MYO3A: variants seen among roughly 807,000 people sequenced by gnomAD.
MYO3A encodes myosin-IIIa.
Under a neutral mutation model 192.7 loss-of-function variants are expected in MYO3A, and 180 were observed. The observed-to-expected ratio is 0.93, with a 90% CI of 0.83 to 1.06. The LOEUF is 1.06. Ranked by LOEUF, MYO3A falls within the 50% of genes least tolerant of loss-of-function variation. MYO3A has a pLI of 0.00. For synonymous variants in MYO3A, 628 were observed against 645.3 expected (o/e 0.97, Z 0.41); for missense variants, 1,896 against 1,905.0 (o/e 1.00, Z 0.09).
chr10:26,133,749 A>T (rs1839689453), intron 20 of MYO3A, among the ~76,000 whole-genome samples: 1 of 152,220 alleles, frequency 6.6e-6, no homozygotes. Flanking sequence ...GTGTACCACC[A>T]TACCTGGCTA....
chr10:26,025,787 T>C (rs547130840), intron 9 of MYO3A, among the ~76,000 whole-genome samples: 2 of 152,248 alleles, frequency 1.3e-5, no homozygotes, highest in Non-Finnish European at 2.9e-5. Flanking sequence ...GAATATGCTC[T>C]GGTTGAACCT....
At chr10:26,009,041 T>C (rs1588764739) in intron 6 of MYO3A, among the ~76,000 whole-genome samples, 1 of 152,044 alleles carries the variant, frequency 6.6e-6, no homozygotes, top group Admixed American at 6.5e-5. Flanking sequence ...TGGAATACTA[T>C]GCAGCCATAA....
chr10:26,079,211 T>A (rs1372180304), intron 14 of MYO3A, among the ~76,000 whole-genome samples: 1 of 152,198 alleles, frequency 6.6e-6, no homozygotes, highest in Non-Finnish European at 1.5e-5. Flanking sequence ...GGTGCACATA[T>A]GTTTAGGATT....
intron 4 of MYO3A, among the ~76,000 whole-genome samples, chr10:25,976,926 C>G (rs1170086353): frequency 1.3e-5 from 2 of 151,868 alleles, no homozygotes; most frequent in African/African-American, 4.8e-5. Flanking sequence ...TATCTGTTGC[C>G]TAATTATACG....
At chr10:26,092,007 T>C (rs1199822069) in intron 15 of MYO3A, among the ~76,000 whole-genome samples, 2 of 152,140 alleles carry the variant, frequency 1.3e-5, no homozygotes, top group African/African-American at 4.8e-5. Context: ...TAGTCTCTCA[T>C]GAAAGTAGGA....
In MYO3A at chr10:26,015,823, A is replaced by G. The variant is rs555954283; in HGVS notation, c.509-997A>G. Among the ~76,000 whole-genome samples, 11 of 152,324 alleles carry G rather than the reference A, an allele frequency of 7.2e-5. No individual in the cohort carries two copies. The South Asian group carries it at 1.4e-3, about 20-fold the overall frequency. On this transcript the variant is annotated intron_variant, in intron 6 of 34. Transcript: ENST00000642920. ...CCCATTTGGTTGCATATGGCCGTTG[A>G]ATTTCATGGTAAAAGTCAAATGCCA...
At position 26,067,090 on chromosome 10, in the gene MYO3A, T is replaced by A; in HGVS notation, c.1053+16T>A. 6.7e-7 allele frequency: 1 copy of A among 1,496,828 alleles called. No individual in the cohort carries two copies. 92.7% of individuals were successfully genotyped at this position (1,496,828 alleles called of 1,614,324 possible). On this transcript the variant is annotated intron_variant, in intron 11 of 34. Transcript: ENST00000642920. The stretch of plus-strand genomic sequence containing the variant: ...TTTGGATGAGGTAAGAATTTCAGTT[T>A]AATTAAACTTAGACATTCCAGATGT...
intron 4 of MYO3A, among the ~76,000 whole-genome samples, chr10:25,974,325 C>G (rs996469781): frequency 2.6e-5 from 4 of 152,142 alleles, no homozygotes; most frequent in African/African-American, 9.7e-5. Flanking sequence ...AAAAATAATT[C>G]TATTTGCTAA....
chr10:26,116,775 G>A (rs1838530107), intron 17 of MYO3A, among the ~76,000 whole-genome samples: 1 of 152,076 alleles, frequency 6.6e-6, no homozygotes, highest in Non-Finnish European at 1.5e-5. Context: ...TTCTTGTGGG[G>A]TTTCTCCTGT....
chr10:26,165,283 C>A (rs532812653), intron 26 of MYO3A, among the ~76,000 whole-genome samples: 13 of 152,298 alleles, frequency 8.5e-5, no homozygotes, highest in African/African-American at 2.9e-4. Context: ...AAATTCAAAA[C>A]CTACCAAAAT....
chr10:25,997,329 G>A (rs1041630653), intron 6 of MYO3A, 71 bp downstream of exon 6: 60 of 1,174,436 alleles, frequency 5.1e-5, no homozygotes, highest in Non-Finnish European at 6.9e-5. Context: ...GATCTTTTTC[G>A]AATGGCCTTC....
intron 26 of MYO3A, among the ~76,000 whole-genome samples, chr10:26,159,217 C>A (rs1841343506): frequency 6.6e-6 from 1 of 150,934 alleles, no homozygotes; most frequent in South Asian, 2.1e-4. Context: ...GTCTCCATCT[C>A]CTGACCTCGT....
chr10:25,992,657 A>G (rs1280005682), intron 4 of MYO3A, among the ~76,000 whole-genome samples: 3 of 152,030 alleles, frequency 2.0e-5, no homozygotes, highest in Admixed American at 2.0e-4. Flanking sequence ...TGTCATAAAT[A>G]GCTCATTATT....
At chr10:25,997,847 C>T (rs977266493) in intron 6 of MYO3A, among the ~76,000 whole-genome samples, 4 of 152,160 alleles carry the variant, frequency 2.6e-5, no homozygotes, top group Admixed American at 2.6e-4. Context: ...ATAATTGAGG[C>T]ACTAAGTCAA....
intron 4 of MYO3A, among the ~76,000 whole-genome samples, chr10:25,985,237 C>CA (rs1157598256): frequency 0.18 from 14,302 of 79,510 alleles, 1,181 homozygotes; most frequent in East Asian, 0.32. Context: ...GACTCTGTCT[C>CA]AAAAAAAAAA....
intron 6 of MYO3A, among the ~76,000 whole-genome samples, chr10:26,015,693 T>C (rs1841948067): frequency 6.6e-6 from 1 of 152,180 alleles, no homozygotes; most frequent in Non-Finnish European, 1.5e-5. Flanking sequence ...ACATGAAATT[T>C]AGTAAATTCC....
intron 4 of MYO3A, among the ~76,000 whole-genome samples, chr10:25,991,511 A>G (rs1229928144): frequency 2.6e-5 from 4 of 151,982 alleles, no homozygotes; most frequent in Non-Finnish European, 5.9e-5. Context: ...GAAGCTCTTT[A>G]GTTTAATTAG....
chr10:26,200,806 T>C (rs1468293010), intron 32 of MYO3A: 2 of 152,384 alleles, frequency 1.3e-5, no homozygotes, highest in Non-Finnish European at 2.9e-5. Context: ...ATTCCATTCT[T>C]TTTGCGGACT....
intron 17 of MYO3A, among the ~76,000 whole-genome samples, chr10:26,098,585 T>C (rs560605830): frequency 6.6e-6 from 1 of 152,242 alleles, no homozygotes; most frequent in South Asian, 2.1e-4. Context: ...AATTAATTTT[T>C]GTATAAGGTG....
Sources: gnomAD v4.1 joint callset for allele counts (sites outside exome capture counted in the v4.1 genomes callset) on GRCh38, gnomAD v4.1.1 for gene constraint, MANE v1.5 for transcripts, NCBI Gene and HGNC (gene_info 2026-07-23, HGNC 2026-07-21) for gene names.